The following CPQ variants were observed in gnomAD, a reference collection of about 807,000 sequenced individuals.
CPQ encodes the protein Ser-Met dipeptidase.
CPQ carries 37 observed loss-of-function variants against 45.7 expected under a neutral mutation model. The ratio of observed to expected loss-of-function variants is 0.81; its 90% confidence interval spans 0.62 to 1.07. CPQ has a LOEUF of 1.07. Ranked by LOEUF, CPQ falls within the 50% of genes least tolerant of loss-of-function variation. The pLI, the probability that CPQ is intolerant of heterozygous loss-of-function variation, is 0.00. For synonymous variants in CPQ, 186 were observed against 205.8 expected, an observed-to-expected ratio of 0.90 and a Z score of 0.82; for missense variants, 537 against 572.9, an observed-to-expected ratio of 0.94 and a Z score of 0.64.
intron 7 of CPQ, among the ~76,000 whole-genome samples, chr8:97,095,368 A>C (rs1811193150): frequency 6.6e-6 from 1 of 152,056 alleles, no homozygotes; most frequent in African/African-American, 2.4e-5. Context: ...TTCCTCATTC[A>C]CTCTCCCTTA....
chr8:96,742,779 T>C (rs1442353065), intron 1 of CPQ, among the ~76,000 whole-genome samples: 1 of 152,188 alleles, frequency 6.6e-6, no homozygotes, highest in Non-Finnish European at 1.5e-5. Flanking sequence ...AAAATTCTTT[T>C]CTTTAAGAAT....
chr8:96,869,897 A>G (rs1812044183), intron 3 of CPQ, among the ~76,000 whole-genome samples: 1 of 152,080 alleles, frequency 6.6e-6, no homozygotes, highest in Non-Finnish European at 1.5e-5. Context: ...AGTTGGTGTT[A>G]GAAGCCACAG....
chr8:96,742,958 T>A (rs1260409233), intron 1 of CPQ, among the ~76,000 whole-genome samples: 50 of 152,122 alleles, frequency 3.3e-4, no homozygotes, highest in Non-Finnish European at 5.6e-4. Context: ...TGTGTCTTGG[T>A]GTTGCTCTTC....
rs1815562520 is a variant in CPQ, at chr8:96,650,226, A to G, written c.-35+4824A>G. On this transcript the variant is annotated intron_variant, in intron 1 of 7. Coordinates refer to ENST00000220763, the MANE Select transcript of CPQ (RefSeq NM_016134.4). The stretch of plus-strand genomic sequence containing the variant: ...AGTGTTTGGAGACTTTGAACTAAGC[A>G]AAGAGTAACAGGGAAAATAAGATAA... Among the ~76,000 whole-genome samples the G allele has an allele frequency of 2.6e-5, 4 of 152,210 alleles. No individual in the cohort carries two copies. In the South Asian group the frequency reaches 8.3e-4, roughly 32 times the overall value.
intron 7 of CPQ, among the ~76,000 whole-genome samples, chr8:97,067,303 T>C (rs1810656225): frequency 6.6e-6 from 1 of 152,198 alleles, no homozygotes; most frequent in African/African-American, 2.4e-5. Context: ...AAAAGTTTAC[T>C]GATATTGTTT....
At chr8:96,780,315 T>A (rs56184878) in intron 1 of CPQ, among the ~76,000 whole-genome samples, 94,100 of 151,922 alleles carry the variant, frequency 0.62, 29,844 homozygotes, top group East Asian at 0.88. Context: ...TTCATTAAAC[T>A]GTAAGTGGAG....
At chr8:96,960,648 G>A (rs1813444230) in intron 4 of CPQ, among the ~76,000 whole-genome samples, 1 of 152,048 alleles carries the variant, frequency 6.6e-6, no homozygotes, top group Non-Finnish European at 1.5e-5. Context: ...CCTCCTCTCT[G>A]CCCTAACCCC....
At chr8:96,721,395 C>G (rs1351895038) in intron 1 of CPQ, among the ~76,000 whole-genome samples, 1 of 151,946 alleles carries the variant, frequency 6.6e-6, no homozygotes, top group African/African-American at 2.4e-5. Flanking sequence ...AAAATAGTTG[C>G]CTGTTTTGCC....
Position 96,827,999 on chromosome 8 carries a change from T to G in CPQ, c.434-6974T>G, listed in dbSNP as rs143797225. Among the ~76,000 whole-genome samples, 481 of 152,244 alleles carry G rather than the reference T, an allele frequency of 3.2e-3. 4 individuals are homozygous for G. The highest frequency in any genetic ancestry group is 0.021 in the South Asian group (101 of 4,830). On this transcript the variant is annotated intron_variant, in intron 2 of 7. Coordinates refer to ENST00000220763, the MANE Select transcript of CPQ (RefSeq NM_016134.4). Reference sequence around the variant, plus strand: ...AGTTTTGAATGATCTGATGACTAAATTTCAGTTTATATAAAACTTTCCCTC... The same window carrying G: ...AGTTTTGAATGATCTGATGACTAAAGTTCAGTTTATATAAAACTTTCCCTC...
chr8:96,819,108 G>T (rs911029205), intron 2 of CPQ, among the ~76,000 whole-genome samples: 8 of 151,796 alleles, frequency 5.3e-5, no homozygotes, highest in African/African-American at 1.9e-4. Flanking sequence ...CCATCACATA[G>T]CTCCCTGAAG....
chr8:96,940,316 G>C (rs1813108888), intron 4 of CPQ, among the ~76,000 whole-genome samples: 1 of 152,098 alleles, frequency 6.6e-6, no homozygotes, highest in African/African-American at 2.4e-5. Context: ...CTACCATATG[G>C]AGAAGTTAGC....
At chr8:96,874,175 C>A (rs1199992997) in intron 3 of CPQ, among the ~76,000 whole-genome samples, 2 of 151,776 alleles carry the variant, frequency 1.3e-5, no homozygotes, top group Non-Finnish European at 3.0e-5. Flanking sequence ...CAAACACCAG[C>A]AGGCTTTGCT....
Position 97,019,273 on chromosome 8 carries a change from C to T in CPQ, c.962-10130C>T, listed in dbSNP as rs140628343. Among the ~76,000 whole-genome samples, 501 of 152,216 alleles carry T rather than the reference C, an allele frequency of 3.3e-3. 1 individual carries two copies. Among genetic ancestry groups the T allele is most frequent in the Non-Finnish European group, 5.4e-3 (369 of 68,008 alleles). On this transcript the variant is annotated intron_variant, in intron 5 of 7. Coordinates refer to ENST00000220763, the MANE Select transcript of CPQ (RefSeq NM_016134.4). ...ATCCTGGAAACACATCAAAACAGAA[C>T]CTCTTTAAAGCATAAATCACACAAA...
intron 1 of CPQ, among the ~76,000 whole-genome samples, chr8:96,743,556 T>G (rs1810127572): frequency 6.6e-6 from 1 of 152,072 alleles, no homozygotes; most frequent in Admixed American, 6.6e-5. Context: ...GGCACTCTGC[T>G]TTTTAGAGTT....
At chr8:97,054,010 G>C (rs1810408764) in intron 6 of CPQ, among the ~76,000 whole-genome samples, 1 of 152,044 alleles carries the variant, frequency 6.6e-6, no homozygotes, top group Non-Finnish European at 1.5e-5. Context: ...TAGGCAGGGG[G>C]AAAAGGGGGA....
chr8:97,142,948 A>AG (rs2130636452), intron 7 of CPQ, 72 bp from the exon 8 acceptor site: 2 of 1,458,034 alleles, frequency 1.4e-6, no homozygotes, highest in Non-Finnish European at 1.9e-6. Context: ...GCAAAAGTGA[A>AG]GGGGGAGAGG....
chr8:96,725,587 A>T (rs371204662), intron 1 of CPQ, among the ~76,000 whole-genome samples: 6 of 152,220 alleles, frequency 3.9e-5, no homozygotes, highest in Admixed American at 2.6e-4. Context: ...AAAATAACAG[A>T]TGCTGGTGAG....
chr8:96,682,205 A>C lies in CPQ; in HGVS notation c.-35+36803A>C, dbSNP rs1586356876. 1.3e-5 allele frequency among the ~76,000 whole-genome samples: 2 copies of C among 152,086 alleles called. 1 individual carries two copies. The highest frequency in any genetic ancestry group is 4.2e-4 in the South Asian group (2 of 4,818). On this transcript the variant is annotated intron_variant, in intron 1 of 7. Transcript: ENST00000220763. ...ATGGTTTGGCTGTGTTCCCCACCCA[A>C]ATCTCATGTTGAATTCTCATGTGTT...
intron 5 of CPQ, among the ~76,000 whole-genome samples, chr8:96,987,559 G>A (rs1809008653): frequency 6.6e-6 from 1 of 152,198 alleles, no homozygotes; most frequent in Non-Finnish European, 1.5e-5. Context: ...AAAATCAGAT[G>A]AGAAGTCCGC....
Sources: allele counts gnomAD v4.1 joint callset (sites outside exome capture counted in the v4.1 genomes callset), GRCh38; gene constraint gnomAD v4.1.1; transcripts MANE v1.5; gene names NCBI Gene and HGNC (gene_info 2026-07-23, HGNC 2026-07-21).